Variants in VWA3B observed in about 807,000 individuals in gnomAD.
The protein encoded by VWA3B is von Willebrand factor A domain containing 3B.
VWA3B carries 138 observed loss-of-function variants against 158.3 expected under a neutral mutation model. That is an observed-to-expected ratio of 0.87 (90% CI 0.76 to 1.00). The LOEUF is 1.00. VWA3B is among the 50% of genes least tolerant of loss of function. The probability of loss-of-function intolerance (pLI) is 0.00; values close to 1 mark genes in which losing one functional copy is unlikely to be tolerated. For synonymous variants in VWA3B, 596 were observed against 587.3 expected (o/e 1.01, Z -0.21); for missense variants, 1,555 against 1,565.1 (o/e 0.99, Z 0.11).
chr2:98,138,315 T>C (rs113312035), intron 7 of VWA3B, among the ~76,000 whole-genome samples: 35 of 152,284 alleles, frequency 2.3e-4, no homozygotes, highest in African/African-American at 7.2e-4. Flanking sequence ...TGCTGCAGCA[T>C]ACAAGCCATA....
In VWA3B at chr2:98,173,593, A is replaced by G. The variant is rs750105067; in HGVS notation, c.1115-7423A>G. On this transcript the variant is annotated intron_variant, in intron 8 of 27. Transcript: ENST00000477737. ...GGTCGATTAGCATTTTGTAGATGCTATACATATAACTTGGGAAAGATACTG... is the reference window on the plus strand; with the variant it reads ...GGTCGATTAGCATTTTGTAGATGCTGTACATATAACTTGGGAAAGATACTG... Among the ~76,000 whole-genome samples, 282 of 152,330 alleles carry G rather than the reference A, an allele frequency of 1.9e-3. 3 individuals are homozygous for G. The highest frequency in any genetic ancestry group is 4.4e-3 in the Admixed American group (68 of 15,300).
chr2:98,100,194 C>T (rs1240329902), intron 2 of VWA3B, among the ~76,000 whole-genome samples: 1 of 152,194 alleles, frequency 6.6e-6, no homozygotes, highest in Non-Finnish European at 1.5e-5. Context: ...CAGTCTTTGC[C>T]ATCTGGCTTT....
At chr2:98,213,925 C>A (rs1441267864) in intron 13 of VWA3B, among the ~76,000 whole-genome samples, 1 of 151,938 alleles carries the variant, frequency 6.6e-6, no homozygotes, top group Admixed American at 6.6e-5. Context: ...GTGGGGAGGC[C>A]CACTCCTGTA....
chr2:98,137,829 G>A (rs1212283275), intron 7 of VWA3B, among the ~76,000 whole-genome samples: 1 of 151,368 alleles, frequency 6.6e-6, no homozygotes, highest in East Asian at 1.9e-4. Flanking sequence ...TGATGAATTT[G>A]TTTCCATCAA....
At chr2:98,305,007 C>T (rs1357776015) in intron 26 of VWA3B, among the ~76,000 whole-genome samples, 1 of 152,162 alleles carries the variant, frequency 6.6e-6, no homozygotes, top group Admixed American at 6.6e-5. Flanking sequence ...CAAGAAACTG[C>T]TTCCACAGAG....
At chr2:98,202,465 CT>C (rs1440194193) in intron 12 of VWA3B, among the ~76,000 whole-genome samples, 1 of 151,154 alleles carries the variant, frequency 6.6e-6, no homozygotes, top group African/African-American at 2.4e-5. Context: ...CTTTTTGTTT[CT>C]TTGATTTTCT....
chr2:98,272,042 T>C (rs1382162538), intron 22 of VWA3B, among the ~76,000 whole-genome samples: 1 of 152,132 alleles, frequency 6.6e-6, no homozygotes, highest in African/African-American at 2.4e-5. Context: ...GTGGGGGATT[T>C]CCCCACACAT....
the VWA3B span, among the ~76,000 whole-genome samples, chr2:98,325,413 A>C: frequency 1.3e-5 from 2 of 152,254 alleles, no homozygotes; most frequent in Non-Finnish European, 2.9e-5. Flanking sequence ...CTCTCAACCC[A>C]AAATTCCACA....
rs531148931 is a variant in VWA3B, at chr2:98,266,587, G to A, written c.2844-4095G>A. ...GTTTTTTCCAATTCTGTGAAGAAAG[G>A]CATTGGTAGCTTGATGGGGATGGCA... On this transcript the variant is annotated intron_variant, in intron 21 of 27. Coordinates refer to ENST00000477737, the MANE Select transcript of VWA3B (RefSeq NM_144992.5). Among the ~76,000 whole-genome samples the A allele has an allele frequency of 2.3e-3, 333 of 142,372 alleles. 1 individual carries two copies. Among genetic ancestry groups the A allele is most frequent in the African/African-American group, 8.3e-3 (316 of 37,854 alleles). 93.4% of individuals were successfully genotyped at this position (142,372 alleles called of 152,430 possible).
downstream of VWA3B, among the ~76,000 whole-genome samples, chr2:98,315,224 A>G (rs1691063387): frequency 6.6e-6 from 1 of 152,212 alleles, no homozygotes; most frequent in African/African-American, 2.4e-5. Flanking sequence ...TGATTTGCAC[A>G]TTTGATTTTT....
At chr2:98,317,452 G>A (rs1243095250), downstream of VWA3B, among the ~76,000 whole-genome samples, 1 of 152,106 alleles carries the variant, frequency 6.6e-6, no homozygotes, top group Non-Finnish European at 1.5e-5. Flanking sequence ...ATACCCTCCA[G>A]CATTAACATC....
intron 10 of VWA3B, among the ~76,000 whole-genome samples, chr2:98,190,940 TC>T (rs955316589): frequency 1.5e-4 from 23 of 152,214 alleles, no homozygotes; most frequent in Non-Finnish European, 1.0e-4. Context: ...TTTTTCTGCC[TC>T]CCCCTCTCTT....
At chr2:98,196,465 G>A (rs1682049162) in intron 12 of VWA3B, among the ~76,000 whole-genome samples, 1 of 152,076 alleles carries the variant, frequency 6.6e-6, no homozygotes, top group African/African-American at 2.4e-5. Flanking sequence ...GGCTGATTTG[G>A]TCCAGTAGTC....
chr2:98,330,412 A>T, the VWA3B span, among the ~76,000 whole-genome samples: 1 of 151,852 alleles, frequency 6.6e-6, no homozygotes, highest in African/African-American at 2.4e-5. Context: ...TTTATCCTAC[A>T]CCTTGTGCCC....
At chr2:98,106,055 A>T (rs1262833032) in intron 2 of VWA3B, among the ~76,000 whole-genome samples, 1 of 152,004 alleles carries the variant, frequency 6.6e-6, no homozygotes, top group Non-Finnish European at 1.5e-5. Flanking sequence ...AGCTGGGAAT[A>T]CAGGCGACCA....
chr2:98,187,115 T>TCTC (rs1681139520), intron 9 of VWA3B, among the ~76,000 whole-genome samples: 1 of 152,126 alleles, frequency 6.6e-6, no homozygotes. Context: ...CGCCAGGCCT[T>TCTC]CTCTCCTAGC....
At chr2:98,140,260 A>G (rs1211510165) in intron 7 of VWA3B, among the ~76,000 whole-genome samples, 1 of 152,196 alleles carries the variant, frequency 6.6e-6, no homozygotes, top group East Asian at 1.9e-4. Context: ...CGCATGCCTT[A>G]GAGATTCTCC....
Position 98,312,479 on chromosome 2 carries a change from C to T in VWA3B, c.*130C>T. ...TCCGCGCCGCCTATGCCTGCCCTGT[C>T]TGTAGCAAAGACTCCTCTCCCCTCC... On this transcript the variant is annotated 3_prime_UTR_variant, in exon 28 of 28. Transcript: ENST00000477737. 8.4e-7 allele frequency: 1 copy of T among 1,187,392 alleles called. No individual in the cohort carries two copies. Among genetic ancestry groups the T allele is most frequent in the Non-Finnish European group, 1.1e-6 (1 of 871,314 alleles). The allele number at this position is 1,187,392 out of a possible 1,614,324, so 73.6% of individuals were successfully genotyped here. A position where few individuals can be genotyped will look rare whatever the true frequency, so the allele number is the denominator to read the frequency against.
chr2:98,220,632 A>G (rs1049691412), intron 14 of VWA3B, among the ~76,000 whole-genome samples: 2 of 152,240 alleles, frequency 1.3e-5, no homozygotes, highest in African/African-American at 4.8e-5. Flanking sequence ...AAATCATTCT[A>G]CTATAAAGAC....
Sources: allele counts gnomAD v4.1 joint callset (sites outside exome capture counted in the v4.1 genomes callset), GRCh38; gene constraint gnomAD v4.1.1; transcripts MANE v1.5; gene names NCBI Gene and HGNC (gene_info 2026-07-23, HGNC 2026-07-21).